Variants in PCLO observed in about 807,000 individuals in gnomAD.
PCLO encodes protein piccolo.
Under a neutral mutation model 427.5 loss-of-function variants are expected in PCLO, and 82 were observed. The ratio of observed to expected loss-of-function variants is 0.19; its 90% CI spans 0.16 to 0.23. PCLO has a LOEUF of 0.23. Among genes scored for constraint, PCLO ranks in the 10% least tolerant of loss-of-function variants. The pLI, the probability that PCLO is intolerant of heterozygous loss-of-function variation, is 1.00. For missense variants in PCLO, 6,239 were observed against 6,115.9 expected (o/e 1.02, Z -0.67); for synonymous variants, 2,357 against 2,155.4 (o/e 1.09, Z -2.59).
chr7:82,890,284 C>T (rs1006480153), intron 9 of PCLO, among the ~76,000 whole-genome samples: 2 of 151,808 alleles, frequency 1.3e-5, no homozygotes, highest in African/African-American at 4.8e-5. Flanking sequence ...AGAAGCATTG[C>T]AAAAATTTGT....
rs944318433 is a variant in PCLO, at chr7:83,162,850, C to T, written c.-258G>A. 1 of 513,032 alleles carries T rather than the reference C, an allele frequency of 1.9e-6. No individual in the cohort carries two copies. 31.8% of individuals were successfully genotyped at this position (513,032 alleles called of 1,614,324 possible). A position where few individuals can be genotyped will look rare whatever the true frequency, so the allele number is the denominator to read the frequency against. ...TTTGCAGAAGACACCTCCCGGACGC[C>T]GCCTCGGCGCCCCGAGCCGGGGAGA... On this transcript the variant is annotated 5_prime_UTR_variant, in exon 1 of 25. Transcript: ENST00000333891.
intron 13 of PCLO, among the ~76,000 whole-genome samples, chr7:82,842,779 A>G (rs1198032657): frequency 6.6e-6 from 1 of 152,116 alleles, no homozygotes; most frequent in African/African-American, 2.4e-5. Context: ...AAGAAGACAT[A>G]CAAAGGACTA....
At chr7:83,148,712 C>T (rs1178807719) in intron 2 of PCLO, among the ~76,000 whole-genome samples, 4 of 152,030 alleles carry the variant, frequency 2.6e-5, no homozygotes, top group African/African-American at 9.7e-5. Flanking sequence ...GAAGAATGAA[C>T]TTTTTCCTAT....
At chr7:82,809,295 G>C (rs1791518989) in intron 20 of PCLO, among the ~76,000 whole-genome samples, 1 of 151,624 alleles carries the variant, frequency 6.6e-6, no homozygotes. Context: ...ACTTTACATG[G>C]AAGCCCTCTC....
intron 2 of PCLO, among the ~76,000 whole-genome samples, chr7:83,136,806 T>C (rs1269565064): frequency 6.6e-6 from 1 of 152,166 alleles, no homozygotes; most frequent in Non-Finnish European, 1.5e-5. Flanking sequence ...ATATACACAA[T>C]ATGCAAATGC....
chr7:83,094,824 T>C (rs2116456528), intron 3 of PCLO, among the ~76,000 whole-genome samples: 1 of 152,316 alleles, frequency 6.6e-6, no homozygotes, highest in East Asian at 1.9e-4. Flanking sequence ...AACTGTCTTC[T>C]AGAGAGTATA....
At position 83,155,462 on chromosome 7, in the gene PCLO, C is replaced by G; in HGVS notation, c.1179G>C (p.Gln393His). The change falls in exon 2 of 25, where the codon CAG (glutamine) becomes CAC (histidine). Residue 393 changes from glutamine to histidine, a missense_variant. Physicochemically the swap from Gln to His is conservative, Grantham distance 24. Coordinates refer to ENST00000333891, the MANE Select transcript of PCLO (RefSeq NM_033026.6). ...CTGGAGTCTTTCCAACTCCAGGAGG[C>G]TGAGCTAAAGCCTTTGGCCCAGGCT... ...SEQPGPKALA[Q>H]PPGVGKTPAQ... 6.2e-7 allele frequency: 1 copy of G among 1,613,760 alleles called. No homozygotes were observed. The highest frequency in any genetic ancestry group is 8.5e-7 in the Non-Finnish European group (1 of 1,179,836).
intron 13 of PCLO, among the ~76,000 whole-genome samples, chr7:82,843,932 C>T (rs749377479): frequency 1.3e-5 from 2 of 151,832 alleles, no homozygotes; most frequent in Non-Finnish European, 2.9e-5. Flanking sequence ...TCCCAAAATG[C>T]GGGGATTACA....
At chr7:82,866,971 T>C (rs1489842297) in intron 10 of PCLO, among the ~76,000 whole-genome samples, 1 of 152,164 alleles carries the variant, frequency 6.6e-6, no homozygotes, top group South Asian at 2.1e-4. Flanking sequence ...CTCCATTTAG[T>C]CATGGTGTTG....
chr7:83,071,456 G>T (rs1789813907), intron 3 of PCLO, among the ~76,000 whole-genome samples: 1 of 152,158 alleles, frequency 6.6e-6, no homozygotes, highest in South Asian at 2.1e-4. Flanking sequence ...AGTTTGGAAA[G>T]AGATTTGGTA....
Position 82,951,252 on chromosome 7 carries a change from G to A in PCLO, c.9336C>T (p.Ser3112=). ...AITTQPGSIF[S]TTVRDLSGIH... Reference sequence around the variant, plus strand: ...TACCAGACAAATCCCTCACTGTGGTGCTGAAAATGGAGCCAGGTTGTGTGG... The same window carrying A: ...TACCAGACAAATCCCTCACTGTGGTACTGAAAATGGAGCCAGGTTGTGTGG... The change falls in exon 6 of 25, where the codon AGC becomes AGT. Residue 3112 remains serine (S), a synonymous_variant. Transcript: ENST00000333891. 6.2e-7 allele frequency: 1 copy of A among 1,613,552 alleles called. No homozygotes were observed. Among genetic ancestry groups the A allele is most frequent in the Non-Finnish European group, 8.5e-7 (1 of 1,179,688 alleles).
intron 20 of PCLO, among the ~76,000 whole-genome samples, chr7:82,813,692 G>GT (rs1791618959): frequency 6.6e-6 from 1 of 151,718 alleles, no homozygotes; most frequent in Admixed American, 6.6e-5. Context: ...AAGAGGTTCT[G>GT]TGACATTATT....
At chr7:83,104,650 A>AT (rs1267424048) in intron 3 of PCLO, among the ~76,000 whole-genome samples, 2 of 152,084 alleles carry the variant, frequency 1.3e-5, no homozygotes, top group African/African-American at 4.8e-5. Flanking sequence ...ATATATCTAT[A>AT]TTTTTTCTGA....
chr7:83,083,856 T>C (rs1053089540), intron 3 of PCLO, among the ~76,000 whole-genome samples: 1 of 152,264 alleles, frequency 6.6e-6, no homozygotes, highest in Admixed American at 6.5e-5. Flanking sequence ...GATATATCTT[T>C]TAAAGGAGCT....
intron 3 of PCLO, among the ~76,000 whole-genome samples, chr7:83,011,674 C>A (rs1788081037): frequency 1.3e-5 from 2 of 151,866 alleles, no homozygotes; most frequent in African/African-American, 2.4e-5. Context: ...CACTGACTCA[C>A]TTCTCTTAAA....
intron 10 of PCLO, among the ~76,000 whole-genome samples, 194 bp from the exon 11 acceptor site, chr7:82,847,441 T>C (rs1311078226): frequency 6.6e-6 from 1 of 152,128 alleles, no homozygotes; most frequent in East Asian, 1.9e-4. Context: ...CCTGAACACA[T>C]AAAATATATT....
In PCLO at chr7:83,162,733, C is replaced by T; in HGVS notation, c.-141G>A. On this transcript the variant is annotated 5_prime_UTR_variant, in exon 1 of 25. In the 5' UTR this introduces an upstream ATG that the reference lacks. Transcript: ENST00000333891. The stretch of plus-strand genomic sequence containing the variant: ...GAGTCCCTGGACTCTGGACCAGGCA[C>T]TGCCGCCCGGAACGCCAGGCAGGGG... 1 of 1,118,328 alleles carries T rather than the reference C, an allele frequency of 8.9e-7. No homozygotes were observed. The highest frequency in any genetic ancestry group is 1.2e-6 in the Non-Finnish European group (1 of 813,516). 69.3% of individuals were successfully genotyped at this position (1,118,328 alleles called of 1,614,324 possible). A position where few individuals can be genotyped will look rare whatever the true frequency, so the allele number is the denominator to read the frequency against.
intron 6 of PCLO, among the ~76,000 whole-genome samples, chr7:82,933,529 G>C (rs1291024073): frequency 6.6e-6 from 1 of 151,794 alleles, no homozygotes; most frequent in Non-Finnish European, 1.5e-5. Context: ...TATGGCTAAA[G>C]CAACAAATGC....
At position 82,955,543 on chromosome 7, in the gene PCLO, T is replaced by G. The variant is rs370309953; in HGVS notation, c.5410A>C (p.Ser1804Arg). 6.2e-7 allele frequency: 1 copy of G among 1,614,004 alleles called. No individual in the cohort carries two copies. The highest frequency in any genetic ancestry group is 8.5e-7 in the Non-Finnish European group (1 of 1,179,870). Reference sequence around the variant, plus strand: ...TCTTTGTCTTTCTTTGATTTTTTACTAGAACTCTTTCTTTGTTGCTGTTCT... The same window carrying G: ...TCTTTGTCTTTCTTTGATTTTTTACGAGAACTCTTTCTTTGTTGCTGTTCT... ...EIEQQQRKSS[S>R]KKSKKDKDEL... Residue 1804 changes from serine (S) to arginine (R), a missense_variant, in exon 5 of 25, where the codon AGT (serine) becomes CGT (arginine). Transcript: ENST00000333891.
Sources: gnomAD v4.1 joint callset for allele counts (sites outside exome capture counted in the v4.1 genomes callset) on GRCh38, gnomAD v4.1.1 for gene constraint, MANE v1.5 for transcripts, NCBI Gene and HGNC (gene_info 2026-07-23, HGNC 2026-07-21) for gene names.